Variants in HDX observed in about 807,000 individuals in gnomAD.
HDX encodes the protein highly divergent homeobox.
In HDX, 19 loss-of-function variants were observed where a neutral mutation model predicts 45.2. That is an observed-to-expected ratio of 0.42 (90% confidence interval 0.29 to 0.62). The LOEUF (loss-of-function observed/expected upper bound fraction) is 0.62, where lower values mean the gene tolerates loss of function less well. HDX is among the 20% of genes least tolerant of loss of function. The pLI is 0.20. For synonymous variants in HDX, 188 were observed against 172.8 expected (o/e 1.09, Z -0.69); for missense variants, 532 against 493.9 (o/e 1.08, Z -0.73).
Position 84,336,815 on chromosome X carries a change from T to C in HDX, c.1726A>G (p.Thr576Ala). ...AHKEEDHHAV[T>A]TDNVKIEIID... ...ACTGTACATACCACATTATCTGTGG[T>C]TACTGCATGGTGGTCCTCTTCCTTA... The change falls in exon 8 of 11, where the codon ACC (threonine) becomes GCC (alanine). Residue 576 changes from threonine to alanine, a missense_variant. Transcript: ENST00000373177. The C allele has an allele frequency of 8.5e-7, 1 of 1,172,341 alleles. No individual in the cohort carries two copies.
At chrX:84,370,628 A>G (rs1232610498) in intron 5 of HDX, among the ~76,000 whole-genome samples, 2 of 112,142 alleles carry the variant, frequency 1.8e-5, no homozygotes, top group Non-Finnish European at 3.8e-5. Flanking sequence ...ATTTATTTTA[A>G]AAAGATCAAC....
intron 5 of HDX, among the ~76,000 whole-genome samples, chrX:84,369,886 G>C (rs1485548115): frequency 8.9e-6 from 1 of 112,141 alleles, no homozygotes; most frequent in African/African-American, 3.2e-5. Flanking sequence ...CATTCTAATA[G>C]TTTCTGATCC....
intron 5 of HDX, among the ~76,000 whole-genome samples, chrX:84,434,725 T>C (rs1474415133): frequency 9.0e-6 from 1 of 111,709 alleles, no homozygotes; most frequent in Non-Finnish European, 1.9e-5. Context: ...GATGTTTTGG[T>C]ATAGTTTGAG....
chrX:84,458,597 G>A (rs746161262), intron 4 of HDX, among the ~76,000 whole-genome samples: 3 of 111,621 alleles, frequency 2.7e-5, no homozygotes, highest in Non-Finnish European at 3.8e-5. Context: ...AGATTCTTCT[G>A]TTGCTTTAAA....
chrX:84,399,951 A>G (rs1386924279), intron 5 of HDX, among the ~76,000 whole-genome samples: 1 of 111,878 alleles, frequency 8.9e-6, no homozygotes, highest in East Asian at 2.8e-4. Context: ...AATAGAATCA[A>G]TGACAAAAAC....
intron 1 of HDX, among the ~76,000 whole-genome samples, chrX:84,497,089 C>T (rs907692352): frequency 5.4e-5 from 6 of 111,882 alleles, no homozygotes; most frequent in African/African-American, 1.6e-4. Flanking sequence ...CCATGTAAGA[C>T]GTGCCTTGCA....
At chrX:84,420,314 T>A (rs901585384) in intron 5 of HDX, among the ~76,000 whole-genome samples, 11 of 111,464 alleles carry the variant, frequency 9.9e-5, no homozygotes, top group Non-Finnish European at 5.7e-5. Context: ...CAAGCAAAAA[T>A]TACTGAGCTG....
intron 5 of HDX, among the ~76,000 whole-genome samples, chrX:84,396,306 T>C (rs768326917): frequency 8.9e-6 from 1 of 112,378 alleles, no homozygotes; most frequent in South Asian, 3.6e-4. Context: ...ACTCGCTGTA[T>C]GATTTCTTTT....
chrX:84,441,978 A>G (rs2039770678), intron 4 of HDX, among the ~76,000 whole-genome samples: 1 of 111,431 alleles, frequency 9.0e-6, no homozygotes, highest in Non-Finnish European at 1.9e-5. Flanking sequence ...TTATTACCTC[A>G]GCATTGCTAC....
intron 5 of HDX, among the ~76,000 whole-genome samples, chrX:84,406,180 A>T (rs2038815270): frequency 9.0e-6 from 1 of 111,013 alleles, no homozygotes; most frequent in Admixed American, 9.7e-5. Context: ...CACATGATTT[A>T]TAACAACAAA....
intron 5 of HDX, among the ~76,000 whole-genome samples, chrX:84,426,062 C>T (rs904300563): frequency 1.8e-5 from 2 of 110,807 alleles, no homozygotes; most frequent in Non-Finnish European, 3.8e-5. Flanking sequence ...TGTATCAAAA[C>T]ATCTCATGCA....
At position 84,359,259 on chromosome X, in the gene HDX, C is replaced by T. The variant is rs185579849; in HGVS notation, c.1452+2207G>A. Among the ~76,000 whole-genome samples the T allele has an allele frequency of 3.0e-3, 332 of 109,961 alleles. 2 individuals are homozygous for T. Among genetic ancestry groups the T allele is most frequent in the African/African-American group, 0.01 (316 of 30,176 alleles). The stretch of plus-strand genomic sequence containing the variant: ...GTTTGTTACAAAGGTAAATGTGTGC[C>T]GTGGAAGGGGTTTGCTGCACTTATC... On this transcript the variant is annotated intron_variant, in intron 6 of 10. Transcript: ENST00000373177.
intron 5 of HDX, among the ~76,000 whole-genome samples, chrX:84,380,239 TA>T (rs59589657): frequency 2.2e-4 from 22 of 100,408 alleles, no homozygotes; most frequent in East Asian, 6.3e-4. Flanking sequence ...AGCCTCCCAA[TA>T]AAAAAAAAAA....
At chrX:84,488,320 C>A (rs1182968916) in intron 1 of HDX, among the ~76,000 whole-genome samples, 188 bp from the exon 2 acceptor site, 2 of 60,774 alleles carry the variant, frequency 3.3e-5, no homozygotes, top group African/African-American at 6.7e-5. Flanking sequence ...GGTTTAAAAT[C>A]TAAAACACAC....
chrX:84,421,199 A>G (rs1286426692), intron 5 of HDX, among the ~76,000 whole-genome samples: 1 of 112,201 alleles, frequency 8.9e-6, no homozygotes, highest in African/African-American at 3.2e-5. Context: ...TAATGAACCA[A>G]TCAAAAATAA....
intron 2 of HDX, among the ~76,000 whole-genome samples, chrX:84,487,687 C>T (rs941989923): frequency 5.4e-5 from 6 of 111,961 alleles, no homozygotes; most frequent in African/African-American, 1.9e-4. Flanking sequence ...AGATCCCCTT[C>T]CTCAACTCTT....
chrX:84,348,373 G>A lies in HDX; in HGVS notation c.1453-3916C>T, dbSNP rs776009195. On this transcript the variant is annotated intron_variant, in intron 6 of 10. Coordinates refer to ENST00000373177, the MANE Select transcript of HDX (RefSeq NM_001177479.2). ...CATTACCATTCTGTTCTTGTATGTT[G>A]TCTACTTTTTCCATTAGTGCCCTTA... is the stretch of plus-strand genomic sequence containing the variant. Among the ~76,000 whole-genome samples, 203 of 111,272 alleles carry A rather than the reference G, an allele frequency of 1.8e-3. 1 individual carries two copies. The highest frequency in any genetic ancestry group is 6.3e-3 in the African/African-American group (194 of 30,700).
At chrX:84,393,933 A>C (rs1449671092) in intron 5 of HDX, among the ~76,000 whole-genome samples, 2 of 47,084 alleles carry the variant, frequency 4.2e-5, no homozygotes, top group Non-Finnish European at 8.4e-5. Flanking sequence ...TGGTTGATCA[A>C]TTTTGTTCAT....
At chrX:84,368,507 A>C (rs1405655338) in intron 5 of HDX, among the ~76,000 whole-genome samples, 1 of 112,110 alleles carries the variant, frequency 8.9e-6, no homozygotes, top group Non-Finnish European at 1.9e-5. Flanking sequence ...GTGCAATATC[A>C]GGTTCTCAAA....
Sources: gnomAD v4.1 joint callset for allele counts (sites outside exome capture counted in the v4.1 genomes callset) on GRCh38, gnomAD v4.1.1 for gene constraint, MANE v1.5 for transcripts, NCBI Gene and HGNC (gene_info 2026-07-23, HGNC 2026-07-21) for gene names.